LINGO2: variants seen among roughly 807,000 people sequenced by gnomAD.
LINGO2 encodes the protein leucine rich repeat and Ig domain containing 2, also known as leucine-rich repeat and immunoglobulin-like domain-containing nogo receptor-interacting protein 2.
Under a neutral mutation model 30.6 loss-of-function variants are expected in LINGO2, and 14 were observed. The observed-to-expected ratio is 0.46, with a 90% CI of 0.30 to 0.72. LINGO2 has a LOEUF of 0.72. LINGO2 is among the 30% of genes least tolerant of loss of function. The probability of loss-of-function intolerance (pLI) is 0.07; values close to 1 mark genes in which losing one functional copy is unlikely to be tolerated. For synonymous variants in LINGO2, 317 were observed against 288.5 expected (o/e 1.10, Z -1.00); for missense variants, 729 against 751.7 (o/e 0.97, Z 0.35).
chr9:28,306,211 G>T (rs1824346176), intron 3 of LINGO2, among the ~76,000 whole-genome samples: 1 of 152,216 alleles, frequency 6.6e-6, no homozygotes, highest in African/African-American at 2.4e-5. Context: ...TAAGTGTCTT[G>T]CCTTGTCCTC....
chr9:28,790,463 G>A, the LINGO2 span, among the ~76,000 whole-genome samples: 1 of 150,620 alleles, frequency 6.6e-6, no homozygotes, highest in Non-Finnish European at 1.5e-5. Flanking sequence ...GGAGTAGCTG[G>A]GACTACAGGC....
chr9:28,293,747 T>C (rs1162236790), intron 4 of LINGO2, among the ~76,000 whole-genome samples: 1 of 152,178 alleles, frequency 6.6e-6, no homozygotes, highest in Non-Finnish European at 1.5e-5. Context: ...TGTAACCCAA[T>C]TTTGTGGTAA....
chr9:28,276,842 T>C (rs963072017), intron 4 of LINGO2, among the ~76,000 whole-genome samples: 4 of 152,216 alleles, frequency 2.6e-5, no homozygotes, highest in South Asian at 2.1e-4. Context: ...TAATACCTTT[T>C]AGATGGATGA....
At chr9:28,098,911 G>A (rs1826328703) in intron 4 of LINGO2, among the ~76,000 whole-genome samples, 1 of 152,102 alleles carries the variant, frequency 6.6e-6, no homozygotes, top group Non-Finnish European at 1.5e-5. Context: ...TGAAAAAAAT[G>A]GGGTGAACAT....
chr9:28,841,253 T>A, the LINGO2 span, among the ~76,000 whole-genome samples: 1 of 151,714 alleles, frequency 6.6e-6, no homozygotes, highest in Non-Finnish European at 1.5e-5. Context: ...GGGAGGGATA[T>A]CCAGTATCTA....
At chr9:28,243,061 C>A (rs868266504) in intron 4 of LINGO2, among the ~76,000 whole-genome samples, 6 of 152,232 alleles carry the variant, frequency 3.9e-5, no homozygotes, top group Middle Eastern at 6.8e-3. Flanking sequence ...GAAACAGCAT[C>A]AACTAGTGTG....
intron 1 of LINGO2, among the ~76,000 whole-genome samples, chr9:28,584,795 T>A (rs1824448469): frequency 6.6e-6 from 1 of 152,074 alleles, no homozygotes; most frequent in Admixed American, 6.6e-5. Context: ...TTCATGAGAA[T>A]GCTATTATTT....
At chr9:28,047,647 G>T (rs1323123033) in intron 4 of LINGO2, among the ~76,000 whole-genome samples, 1 of 150,618 alleles carries the variant, frequency 6.6e-6, no homozygotes, top group African/African-American at 2.5e-5. Flanking sequence ...TGATAGTAAC[G>T]GTAGCTACCT....
At chr9:29,172,973 C>A in the LINGO2 span, among the ~76,000 whole-genome samples, 7,881 of 151,966 alleles carry the variant, frequency 0.052, 271 homozygotes, top group Middle Eastern at 0.078. Flanking sequence ...TTGATTTATT[C>A]TAAACAGTCT....
intron 1 of LINGO2, among the ~76,000 whole-genome samples, chr9:28,573,188 A>AATTTATAG (rs1181458670): frequency 1.3e-5 from 2 of 152,272 alleles, no homozygotes; most frequent in African/African-American, 4.8e-5. Context: ...TTAAATCTGA[A>AATTTATAG]CTTTATGTCA....
chr9:29,159,832 C>CAA, the LINGO2 span, among the ~76,000 whole-genome samples: 588 of 134,928 alleles, frequency 4.4e-3, 2 homozygotes, highest in Non-Finnish European at 6.0e-3. Flanking sequence ...CAGCCTGGGC[C>CAA]AAAAAAAAAA....
chr9:28,297,208 G>C (rs912328921), intron 3 of LINGO2, among the ~76,000 whole-genome samples: 1 of 152,148 alleles, frequency 6.6e-6, no homozygotes. Context: ...TAAAAAAAGT[G>C]AAAATAAGTC....
intron 4 of LINGO2, among the ~76,000 whole-genome samples, chr9:28,053,039 T>TTA (rs1824749634): frequency 6.6e-6 from 1 of 152,102 alleles, no homozygotes; most frequent in African/African-American, 2.4e-5. Context: ...CTCATCAAGT[T>TTA]TATAATCCAG....
the LINGO2 span, among the ~76,000 whole-genome samples, chr9:28,899,090 C>T: frequency 2.6e-5 from 4 of 152,090 alleles, no homozygotes; most frequent in African/African-American, 7.2e-5. Context: ...GCTACAAAAA[C>T]CAGTTAAGAG....
At chr9:28,903,991 C>T in the LINGO2 span, among the ~76,000 whole-genome samples, 2 of 151,974 alleles carry the variant, frequency 1.3e-5, no homozygotes, top group Non-Finnish European at 1.5e-5. Flanking sequence ...TTCAATGCCA[C>T]GTTAAAAGGA....
At chr9:28,880,597 C>T in the LINGO2 span, among the ~76,000 whole-genome samples, 1 of 152,034 alleles carries the variant, frequency 6.6e-6, no homozygotes, top group Non-Finnish European at 1.5e-5. Context: ...AATATGGCCT[C>T]GTGGGATGAG....
the LINGO2 span, among the ~76,000 whole-genome samples, chr9:28,724,527 T>A: frequency 6.6e-6 from 1 of 152,090 alleles, no homozygotes; most frequent in African/African-American, 2.4e-5. Flanking sequence ...TCCCTTGGGG[T>A]AAACCAAGAC....
chr9:28,553,541 T>C (rs573718615), intron 1 of LINGO2, among the ~76,000 whole-genome samples: 5 of 152,104 alleles, frequency 3.3e-5, no homozygotes, highest in East Asian at 1.9e-4. Context: ...CTGGAAGTGA[T>C]GGGGAGAATG....
chr9:28,928,908 T>C, the LINGO2 span, among the ~76,000 whole-genome samples: 2 of 152,086 alleles, frequency 1.3e-5, no homozygotes, highest in Non-Finnish European at 2.9e-5. Context: ...AGGCAGCTTG[T>C]GGTGGTACCA....
Sources: gnomAD v4.1 joint callset for allele counts (sites outside exome capture counted in the v4.1 genomes callset) on GRCh38, gnomAD v4.1.1 for gene constraint, MANE v1.5 for transcripts, NCBI Gene and HGNC (gene_info 2026-07-23, HGNC 2026-07-21) for gene names.